The following SDCCAG8 variants were observed in gnomAD, a reference collection of about 807,000 sequenced individuals.
SDCCAG8 encodes the protein serologically defined colon cancer antigen 8.
A neutral mutation model predicts 101.8 loss-of-function variants in SDCCAG8; 74 were observed. The ratio of observed to expected loss-of-function variants is 0.73; its 90% CI spans 0.60 to 0.88. The LOEUF is 0.88. SDCCAG8 is among the 40% of genes least tolerant of loss of function. SDCCAG8 has a pLI of 0.00. For missense variants in SDCCAG8, 787 were observed against 822.6 expected (o/e 0.96, Z 0.53); for synonymous variants, 281 against 292.9 (o/e 0.96, Z 0.41).
chr1:243,295,579 G>C (rs2070790885), intron 6 of SDCCAG8, among the ~76,000 whole-genome samples: 1 of 152,150 alleles, frequency 6.6e-6, no homozygotes, highest in Non-Finnish European at 1.5e-5. Flanking sequence ...CTGTAGGCAT[G>C]CAGACCACTC....
chr1:243,440,742 G>C (rs1323338494), intron 16 of SDCCAG8, among the ~76,000 whole-genome samples: 1 of 152,170 alleles, frequency 6.6e-6, no homozygotes, highest in Non-Finnish European at 1.5e-5. Flanking sequence ...AACTTCTGAG[G>C]TGATTACATA....
chr1:243,257,719 T>TA (rs2066883100), intron 1 of SDCCAG8, among the ~76,000 whole-genome samples: 1 of 151,946 alleles, frequency 6.6e-6, no homozygotes. Flanking sequence ...ACTGCAGGAG[T>TA]AAAAAAATCG....
At chr1:243,422,755 A>T (rs1465497448) in intron 15 of SDCCAG8, among the ~76,000 whole-genome samples, 1 of 152,212 alleles carries the variant, frequency 6.6e-6, no homozygotes. Context: ...AAAAATTAAG[A>T]TATTGTATTT....
At chr1:243,303,555 G>GT (rs1573114904) in intron 6 of SDCCAG8, among the ~76,000 whole-genome samples, 2 of 152,078 alleles carry the variant, frequency 1.3e-5, no homozygotes, top group South Asian at 2.1e-4. Flanking sequence ...AGATGGTAGG[G>GT]TGAAGGCCTT....
chr1:243,278,352 C>T (rs1214279051), intron 4 of SDCCAG8, among the ~76,000 whole-genome samples: 1 of 152,104 alleles, frequency 6.6e-6, no homozygotes, highest in Non-Finnish European at 1.5e-5. Context: ...TCCCGAATAG[C>T]TGGGACTACA....
At chr1:243,355,567 G>A (rs2076337141) in intron 12 of SDCCAG8, among the ~76,000 whole-genome samples, 1 of 152,108 alleles carries the variant, frequency 6.6e-6, no homozygotes, top group African/African-American at 2.4e-5. Context: ...TATTTCAAAT[G>A]CTACCTTTTC....
At chr1:243,290,197 C>T (rs963958011) in intron 5 of SDCCAG8, among the ~76,000 whole-genome samples, 3 of 138,916 alleles carry the variant, frequency 2.2e-5, no homozygotes, top group Non-Finnish European at 3.2e-5. Flanking sequence ...TGTCTTACCA[C>T]CGCTCCCGCC....
At chr1:243,488,883 C>A in intron 16 of SDCCAG8, 131 bp from the exon 17 acceptor site, 1 of 1,285,450 alleles carries the variant, frequency 7.8e-7, no homozygotes, top group Non-Finnish European at 1.1e-6. Flanking sequence ...CAGAGCCTGG[C>A]ACCTCAGGGT....
chr1:243,470,935 C>T (rs141491539), intron 16 of SDCCAG8, among the ~76,000 whole-genome samples: 1 of 152,206 alleles, frequency 6.6e-6, no homozygotes, highest in East Asian at 1.9e-4. Context: ...TAAAAATGAT[C>T]GAGCCCTGAA....
chr1:243,348,346 G>A (rs1326971294), intron 12 of SDCCAG8, among the ~76,000 whole-genome samples: 1 of 151,564 alleles, frequency 6.6e-6, no homozygotes, highest in Non-Finnish European at 1.5e-5. Context: ...CACCGCGCCC[G>A]GCCTGGGGCG....
At chr1:243,441,779 C>T (rs1232630881) in intron 16 of SDCCAG8, among the ~76,000 whole-genome samples, 2 of 152,194 alleles carry the variant, frequency 1.3e-5, no homozygotes, top group African/African-American at 2.4e-5. Flanking sequence ...GGAGTCACAA[C>T]TGTCATTGAT....
intron 2 of SDCCAG8, 54 bp downstream of exon 2, chr1:243,270,311 T>C: frequency 1.4e-6 from 2 of 1,480,802 alleles, no homozygotes; most frequent in Non-Finnish European, 1.9e-6. Context: ...TTTTTTAAAC[T>C]CCGTAGAATA....
At chr1:243,371,973 C>T (rs913947509) in intron 12 of SDCCAG8, among the ~76,000 whole-genome samples, 6 of 151,966 alleles carry the variant, frequency 3.9e-5, no homozygotes, top group African/African-American at 1.4e-4. Context: ...CAGCTCTAGA[C>T]AAAAATTTAC....
chr1:243,399,884 C>G (rs938244564), intron 13 of SDCCAG8, among the ~76,000 whole-genome samples: 6 of 152,304 alleles, frequency 3.9e-5, no homozygotes, highest in Non-Finnish European at 7.3e-5. Flanking sequence ...CTGTAATAGG[C>G]ATATTCACTT....
chr1:243,372,566 T>C (rs1011292396), intron 12 of SDCCAG8, among the ~76,000 whole-genome samples: 1 of 152,116 alleles, frequency 6.6e-6, no homozygotes, highest in Non-Finnish European at 1.5e-5. Context: ...GAGTTTCTTT[T>C]AATGAAACTT....
chr1:243,263,762 G>A (rs745846694), intron 1 of SDCCAG8, among the ~76,000 whole-genome samples: 2 of 152,104 alleles, frequency 1.3e-5, no homozygotes, highest in Non-Finnish European at 2.9e-5. Context: ...TTTTCTTTGA[G>A]ATTCAAACAA....
chr1:243,303,874 A>G (rs1248897817), intron 6 of SDCCAG8, among the ~76,000 whole-genome samples: 1 of 152,082 alleles, frequency 6.6e-6, no homozygotes, highest in Non-Finnish European at 1.5e-5. Context: ...GGGGTTCGAG[A>G]CCAGCCTAGC....
At chr1:243,364,950 A>T (rs994768881) in intron 12 of SDCCAG8, among the ~76,000 whole-genome samples, 2 of 152,246 alleles carry the variant, frequency 1.3e-5, no homozygotes, top group Admixed American at 1.3e-4. Context: ...GCAAAACGAA[A>T]AAGTTCTTGC....
intron 16 of SDCCAG8, among the ~76,000 whole-genome samples, chr1:243,479,159 A>G (rs1663010062): frequency 6.6e-6 from 1 of 152,260 alleles, no homozygotes; most frequent in Non-Finnish European, 1.5e-5. Context: ...TTTATTCACT[A>G]GAATTAATGA....
Sources: allele counts gnomAD v4.1 joint callset (sites outside exome capture counted in the v4.1 genomes callset), GRCh38; gene constraint gnomAD v4.1.1; transcripts MANE v1.5; gene names NCBI Gene and HGNC (gene_info 2026-07-23, HGNC 2026-07-21).